The following CHRM3 variants were observed in gnomAD, a reference collection of about 807,000 sequenced individuals.
CHRM3 encodes the protein muscarinic acetylcholine receptor M3.
A neutral mutation model predicts 41.8 loss-of-function variants in CHRM3; 11 were observed. That is an observed-to-expected ratio of 0.26 (90% confidence interval 0.17 to 0.44). The LOEUF (loss-of-function observed/expected upper bound fraction) is 0.44, where lower values mean the gene tolerates loss of function less well. CHRM3 is among the 20% of genes least tolerant of loss of function. The pLI is 1.00. For missense variants in CHRM3, 571 were observed against 745.4 expected, an observed-to-expected ratio of 0.77 and a Z score of 2.72; for synonymous variants, 297 against 301.4, an observed-to-expected ratio of 0.99 and a Z score of 0.15.
chr1:239,696,727 A>G (rs1660230382), intron 5 of CHRM3, among the ~76,000 whole-genome samples: 1 of 152,186 alleles, frequency 6.6e-6, no homozygotes, highest in African/African-American at 2.4e-5. Flanking sequence ...TTATGTGTCA[A>G]AAATGTCTTT....
intron 3 of CHRM3, among the ~76,000 whole-genome samples, chr1:239,566,631 T>C (rs1357528141): frequency 6.6e-6 from 1 of 152,208 alleles, no homozygotes; most frequent in Non-Finnish European, 1.5e-5. Context: ...TATATTGCTG[T>C]CAAATGCTTT....
rs1477032767 is a variant in CHRM3, at chr1:239,914,001, G to A, written c.*4777G>A. The A allele has an allele frequency of 6.0e-6, 1 of 166,792 alleles. No homozygotes were observed. Among genetic ancestry groups the A allele is most frequent in the Non-Finnish European group, 1.5e-5 (1 of 68,092 alleles). 10.3% of individuals were successfully genotyped at this position (166,792 alleles called of 1,614,324 possible). ...CAAAAAATCATCTAGAGAATCAAAGGGGCTCACATCTCAGTTGCATTCTAT... is the reference window on the plus strand; with the variant it reads ...CAAAAAATCATCTAGAGAATCAAAGAGGCTCACATCTCAGTTGCATTCTAT... On this transcript the variant is annotated 3_prime_UTR_variant, in exon 7 of 7. Coordinates refer to ENST00000676153, the MANE Select transcript of CHRM3 (RefSeq NM_001375978.1).
At chr1:239,575,813 A>T (rs1048638210) in intron 3 of CHRM3, among the ~76,000 whole-genome samples, 1 of 152,082 alleles carries the variant, frequency 6.6e-6, no homozygotes, top group Admixed American at 6.5e-5. Context: ...AAAACACGTA[A>T]AACAAAATTT....
intron 5 of CHRM3, among the ~76,000 whole-genome samples, chr1:239,804,399 G>A (rs1670463141): frequency 6.6e-6 from 1 of 152,112 alleles, no homozygotes; most frequent in East Asian, 1.9e-4. Flanking sequence ...TCTTTCTGTG[G>A]TAGAGAACTG....
intron 4 of CHRM3, among the ~76,000 whole-genome samples, chr1:239,656,077 A>G (rs1288699557): frequency 1.3e-5 from 2 of 152,132 alleles, no homozygotes. Context: ...GTATGTTCTC[A>G]CTTATAAGTG....
intron 5 of CHRM3, among the ~76,000 whole-genome samples, chr1:239,807,445 G>T (rs1670743509): frequency 6.6e-6 from 1 of 152,146 alleles, no homozygotes; most frequent in Non-Finnish European, 1.5e-5. Context: ...TCAATTGTGG[G>T]CATTAAGCCC....
At chr1:239,480,555 T>G (rs1276865547) in intron 1 of CHRM3, among the ~76,000 whole-genome samples, 2 of 141,054 alleles carry the variant, frequency 1.4e-5, no homozygotes, top group Non-Finnish European at 3.1e-5. Flanking sequence ...TTTTTTTTTT[T>G]TTTTTTTTTT....
chr1:239,729,862 A>G (rs891966505), intron 5 of CHRM3, among the ~76,000 whole-genome samples: 4 of 152,030 alleles, frequency 2.6e-5, no homozygotes, highest in Admixed American at 1.3e-4. Flanking sequence ...CATATTTAAC[A>G]AACTACTACT....
At chr1:239,562,173 C>T (rs566515610) in intron 3 of CHRM3, among the ~76,000 whole-genome samples, 2 of 152,262 alleles carry the variant, frequency 1.3e-5, no homozygotes, top group South Asian at 4.2e-4. Flanking sequence ...TCTGATCAGT[C>T]CGTGCAGGCC....
chr1:239,908,866 G>C lies in CHRM3; in HGVS notation c.1415G>C (p.Arg472Thr). The C allele has an allele frequency of 6.2e-7, 1 of 1,614,146 alleles. No homozygotes were observed. Among genetic ancestry groups the C allele is most frequent in the Non-Finnish European group, 8.5e-7 (1 of 1,180,040 alleles). Reference protein sequence around the residue: ...TLAKRFALKTRSQITKRKRMS... With the variant: ...TLAKRFALKTTSQITKRKRMS... Reference sequence around the variant, plus strand: ...GCCAAGAGGTTTGCTCTGAAGACCAGAAGTCAGATCACTAAGCGGAAAAGG... The same window carrying C: ...GCCAAGAGGTTTGCTCTGAAGACCACAAGTCAGATCACTAAGCGGAAAAGG... Residue 472 changes from arginine (R) to threonine (T), a missense_variant, in exon 7 of 7, where the codon AGA becomes ACA. Arg to Thr is a moderately conservative substitution (Grantham distance 71). Transcript: ENST00000676153. This position sits in a 1 kb window ranked among gnomAD's most constrained non-coding sequence, Gnocchi z 7.2.
intron 2 of CHRM3, among the ~76,000 whole-genome samples, chr1:239,531,048 A>G (rs1427234112): frequency 6.6e-5 from 10 of 152,198 alleles, no homozygotes; most frequent in Non-Finnish European, 1.2e-4. Flanking sequence ...CTGCTGAAAG[A>G]TAAAAGACAG....
At chr1:239,421,396 C>T (rs1661943239) in intron 1 of CHRM3, among the ~76,000 whole-genome samples, 2 of 152,134 alleles carry the variant, frequency 1.3e-5, no homozygotes, top group African/African-American at 4.8e-5. Context: ...AGGCACTGAC[C>T]TTTCCATTAG....
chr1:239,599,062 G>T (rs1322780620), intron 3 of CHRM3, among the ~76,000 whole-genome samples: 1 of 151,966 alleles, frequency 6.6e-6, no homozygotes, highest in Admixed American at 6.6e-5. Flanking sequence ...CCCATCTTCC[G>T]TTGTAGACAC....
intron 1 of CHRM3, among the ~76,000 whole-genome samples, chr1:239,412,929 T>C (rs948099247): frequency 2.6e-5 from 4 of 151,618 alleles, no homozygotes; most frequent in Non-Finnish European, 5.9e-5. Context: ...AATACAAAAA[T>C]TAGCTGGGCA....
At chr1:239,772,449 C>T (rs1667764224) in intron 5 of CHRM3, among the ~76,000 whole-genome samples, 1 of 152,140 alleles carries the variant, frequency 6.6e-6, no homozygotes, top group African/African-American at 2.4e-5. Flanking sequence ...CCATGCCCAG[C>T]CTATACTTCC....
At chr1:239,775,317 T>G (rs1374671378) in intron 5 of CHRM3, among the ~76,000 whole-genome samples, 3 of 152,192 alleles carry the variant, frequency 2.0e-5, no homozygotes, top group Non-Finnish European at 4.4e-5. Context: ...TTTTTATATT[T>G]AATACATTTA....
At chr1:239,790,040 CGTGTATTTACTCAATACCTGTACCCTAG>C (rs1669216615) in intron 5 of CHRM3, among the ~76,000 whole-genome samples, 1 of 152,122 alleles carries the variant, frequency 6.6e-6, no homozygotes. Context: ...ATTTGTAACC[CGTGTATTTACTCAATACCTGTACCCTAG>C]GTGTATTTAC....
intron 5 of CHRM3, among the ~76,000 whole-genome samples, chr1:239,688,049 A>G (rs1261890988): frequency 6.6e-6 from 1 of 152,024 alleles, no homozygotes; most frequent in East Asian, 1.9e-4. Context: ...ATTAATACAC[A>G]AAACTGCTCT....
chr1:239,701,884 T>G (rs1358969946), intron 5 of CHRM3, among the ~76,000 whole-genome samples: 2 of 152,216 alleles, frequency 1.3e-5, no homozygotes, highest in African/African-American at 4.8e-5. Context: ...TATCCAAATC[T>G]TATCTACTCT....
Sources: allele counts gnomAD v4.1 joint callset (sites outside exome capture counted in the v4.1 genomes callset), GRCh38; gene constraint gnomAD v4.1.1; non-coding constraint Gnocchi (gnomAD v3.1); transcripts MANE v1.5; gene names NCBI Gene and HGNC (gene_info 2026-07-23, HGNC 2026-07-21).